MYO5A: variants seen among roughly 807,000 people sequenced by gnomAD.
The protein encoded by MYO5A is myosin VA, also known as unconventional myosin-Va.
Under a neutral mutation model 249.7 loss-of-function variants are expected in MYO5A, and 98 were observed. That is an observed-to-expected ratio of 0.39 (90% CI 0.33 to 0.46). The LOEUF (loss-of-function observed/expected upper bound fraction) is 0.46, where lower values mean the gene tolerates loss of function less well. Among genes scored for constraint, MYO5A ranks in the 20% least tolerant of loss-of-function variants. The pLI is 0.98. For synonymous variants in MYO5A, 778 were observed against 810.6 expected (o/e 0.96, Z 0.68); for missense variants, 1,696 against 2,308.8 (o/e 0.73, Z 5.44).
rs777075734 is a variant in MYO5A, at chr15:52,397,349, T to C, written c.1171A>G (p.Ile391Val). The change falls in exon 10 of 42, where the codon ATC becomes GTC. Residue 391 changes from isoleucine to valine, a missense_variant. Transcript: ENST00000399233. ...ATATETYIKP[I>V]SKLQATNARD... ...GCATTCGTGGCCTGCAGCTTGGAGA[T>C]GGGCTTGATGTATGTCTCTGTGGCA... The C allele has an allele frequency of 1.2e-6, 2 of 1,613,992 alleles. No homozygotes were observed. The highest frequency in any genetic ancestry group is 1.7e-5 in the Admixed American group (1 of 59,996).
chr15:52,472,661 C>T (rs1315420209), intron 1 of MYO5A, among the ~76,000 whole-genome samples: 2 of 152,064 alleles, frequency 1.3e-5, no homozygotes, highest in Admixed American at 6.6e-5. Context: ...TCTGTCCTTG[C>T]GATAGTTTGC....
At chr15:52,460,657 G>A (rs1027213214) in intron 1 of MYO5A, among the ~76,000 whole-genome samples, 5 of 109,962 alleles carry the variant, frequency 4.5e-5, no homozygotes, top group African/African-American at 1.5e-4. Flanking sequence ...CGAGGACCGT[G>A]CGAGGGCGAG....
chr15:52,344,446 G>A (rs1034532157), intron 30 of MYO5A, among the ~76,000 whole-genome samples: 2 of 152,086 alleles, frequency 1.3e-5, no homozygotes, highest in African/African-American at 2.4e-5. Context: ...CAGAAACCAC[G>A]GAGTCACCTT....
chr15:52,376,066 T>C (rs2041395927), intron 19 of MYO5A, among the ~76,000 whole-genome samples: 1 of 152,250 alleles, frequency 6.6e-6, no homozygotes, highest in South Asian at 2.1e-4. Flanking sequence ...ACTGTTTTAA[T>C]TGATACATGA....
chr15:52,433,202 G>A lies in MYO5A; in HGVS notation c.111C>T (p.Val37=). The change falls in exon 2 of 42, where the codon GTC becomes GTT. Residue 37 remains valine, a synonymous_variant. Coordinates refer to ENST00000399233, the MANE Select transcript of MYO5A (RefSeq NM_001382347.1). ...TTCCTTCCTCGAGGTGAAGCAGGAG[G>A]ACTTTATCTCCTGGCTTATAATCTT... ...LLKDYKPGDK[V]LLLHLEEGKD... 6.2e-7 allele frequency: 1 copy of A among 1,612,534 alleles called. No homozygotes were observed. Among genetic ancestry groups the A allele is most frequent in the Non-Finnish European group, 8.5e-7 (1 of 1,178,812 alleles).
At chr15:52,415,997 G>T in intron 5 of MYO5A, 148 bp downstream of exon 5, 4 of 972,752 alleles carry the variant, frequency 4.1e-6, no homozygotes, top group Non-Finnish European at 6.1e-6. Context: ...ACTTTCCCTA[G>T]ATTTTTTATA....
rs781020390 is a variant in MYO5A, at chr15:52,313,722, C to T, written c.5617G>A (p.Gly1873Ser). ...LETIQIPASL[G>S]LGFISRV ...CAGACCCGTGAAATGAAGCCCAGGC[C>T]GAGGCTGGCTGGAATCTGGATGGTT... The change falls in exon 42 of 42, where the codon GGC becomes AGC. Residue 1873 changes from glycine to serine, a missense_variant. Gly to Ser is a moderately conservative substitution (Grantham distance 56). Transcript: ENST00000399233. The T allele has an allele frequency of 1.7e-5, 28 of 1,614,068 alleles. No homozygotes were observed. The highest frequency in any genetic ancestry group is 1.1e-4 in the East Asian group (5 of 44,874).
chr15:52,314,305 T>C, intron 40 of MYO5A, 102 bp from the exon 41 acceptor site: 1 of 867,948 alleles, frequency 1.2e-6, no homozygotes, highest in Non-Finnish European at 1.9e-6. Flanking sequence ...CAGATTTCAG[T>C]TCTACTCAGG....
chr15:52,476,648 A>C (rs2076601261), intron 1 of MYO5A, among the ~76,000 whole-genome samples: 1 of 151,568 alleles, frequency 6.6e-6, no homozygotes, highest in Non-Finnish European at 1.5e-5. Flanking sequence ...TCCTTCACTT[A>C]TGAAGCTTAG....
chr15:52,421,466 A>C (rs1417796007), intron 4 of MYO5A, among the ~76,000 whole-genome samples: 1 of 152,196 alleles, frequency 6.6e-6, no homozygotes, highest in East Asian at 1.9e-4. Flanking sequence ...TGTGTGTATC[A>C]CCTAATACAA....
intron 1 of MYO5A, among the ~76,000 whole-genome samples, chr15:52,456,949 T>C (rs2076131297): frequency 6.6e-6 from 1 of 151,990 alleles, no homozygotes; most frequent in South Asian, 2.1e-4. Flanking sequence ...AAAACAAAAA[T>C]AGACAAGCAG....
chr15:52,446,329 G>A (rs1392673280), intron 1 of MYO5A, among the ~76,000 whole-genome samples: 1 of 152,264 alleles, frequency 6.6e-6, no homozygotes, highest in Non-Finnish European at 1.5e-5. Flanking sequence ...TTTGAAGAAT[G>A]CAAGCCATAA....
chr15:52,357,271 A>C (rs1217734276), intron 25 of MYO5A, among the ~76,000 whole-genome samples: 1 of 152,074 alleles, frequency 6.6e-6, no homozygotes, highest in African/African-American at 2.4e-5. Flanking sequence ...TGAAATTTTA[A>C]ATTATTTAAT....
At chr15:52,348,968 A>G (rs1410968992) in intron 28 of MYO5A, 142 bp from the exon 29 acceptor site, 1 of 823,642 alleles carries the variant, frequency 1.2e-6, no homozygotes, top group Non-Finnish European at 2.0e-6. Flanking sequence ...TCTAAAATTA[A>G]CTCTATATAT....
Position 52,358,962 on chromosome 15 carries a change from A to C in MYO5A, c.3423+1006T>G, listed in dbSNP as rs80325673. ...TTGCAGTACAGAATCCCTGGATGGA[A>C]GTCAGTAGAATATAATGGCTTAAGA... On this transcript the variant is annotated intron_variant, in intron 25 of 41. Coordinates refer to ENST00000399233, the MANE Select transcript of MYO5A (RefSeq NM_001382347.1). 9.1e-4 allele frequency among the ~76,000 whole-genome samples: 139 copies of C among 152,318 alleles called. 1 individual carries two copies. The highest frequency in any genetic ancestry group is 3.1e-3 in the African/African-American group (129 of 41,578).
At chr15:52,347,273 A>G (rs963790789) in intron 29 of MYO5A, among the ~76,000 whole-genome samples, 3 of 152,234 alleles carry the variant, frequency 2.0e-5, no homozygotes, top group African/African-American at 7.2e-5. Flanking sequence ...ACAATGGAAC[A>G]TAGTTCCACA....
At position 52,394,421 on chromosome 15, in the gene MYO5A, C is replaced by G. The variant is rs562580175; in HGVS notation, c.1401+1895G>C. The stretch of plus-strand genomic sequence containing the variant: ...ATGGGAGATAAGCAAGTTAAGAGGA[C>G]GAGCAGAGCATTCCAACCACTGCTG... On this transcript the variant is annotated intron_variant, in intron 11 of 41. Coordinates refer to ENST00000399233, the MANE Select transcript of MYO5A (RefSeq NM_001382347.1). Among the ~76,000 whole-genome samples the G allele has an allele frequency of 2.0e-5, 3 of 152,088 alleles. No individual in the cohort carries two copies. The South Asian group carries it at 6.2e-4, about 32-fold the overall frequency.
chr15:52,463,855 T>A (rs1393574393), intron 1 of MYO5A, among the ~76,000 whole-genome samples: 1 of 152,240 alleles, frequency 6.6e-6, no homozygotes, highest in Non-Finnish European at 1.5e-5. Context: ...AAGAAGAGCA[T>A]AAATTTTTTA....
intron 1 of MYO5A, among the ~76,000 whole-genome samples, chr15:52,492,982 G>A (rs2076964735): frequency 6.6e-6 from 1 of 152,204 alleles, no homozygotes; most frequent in Admixed American, 6.5e-5. Flanking sequence ...AGAGCCTATA[G>A]GCTGGTGGGG....
Sources: allele counts gnomAD v4.1 joint callset (sites outside exome capture counted in the v4.1 genomes callset), GRCh38; gene constraint gnomAD v4.1.1; transcripts MANE v1.5; gene names NCBI Gene and HGNC (gene_info 2026-07-23, HGNC 2026-07-21).